BLNK: variants seen among roughly 807,000 people sequenced by gnomAD.
BLNK encodes the protein B-cell linker protein.
BLNK carries 29 observed loss-of-function variants against 73.5 expected under a neutral mutation model. The ratio of observed to expected loss-of-function variants is 0.39; its 90% CI spans 0.29 to 0.54. The LOEUF (loss-of-function observed/expected upper bound fraction) is 0.54. BLNK is among the 20% of genes least tolerant of loss of function. The pLI is 0.61. For synonymous variants in BLNK, 176 were observed against 200.8 expected, an observed-to-expected ratio of 0.88 and a Z score of 1.04; for missense variants, 460 against 562.8, an observed-to-expected ratio of 0.82 and a Z score of 1.85.
In BLNK at chr10:96,254,356, A is replaced by G. The variant is rs557293538; in HGVS notation, c.48-7307T>C. ...TGTGGTTGCCAATGGCCAGGCATTC[A>G]CCTTTACCTGGACTCAGATTAATAC... On this transcript the variant is annotated intron_variant, in intron 1 of 16. Transcript: ENST00000224337. Among the ~76,000 whole-genome samples the G allele has an allele frequency of 5.3e-5, 8 of 152,246 alleles. 1 individual carries two copies. In the South Asian group the frequency reaches 1.7e-3, roughly 32 times the overall value.
At chr10:96,204,766 T>G in intron 11 of BLNK, 150 bp from the exon 12 acceptor site, 88 of 650,530 alleles carry the variant, frequency 1.4e-4, no homozygotes, top group East Asian at 2.3e-4. Flanking sequence ...ATCTGTGCAC[T>G]TGCCAGTCTG....
At chr10:96,244,183 A>G (rs1018322849) in intron 2 of BLNK, among the ~76,000 whole-genome samples, 2 of 152,178 alleles carry the variant, frequency 1.3e-5, no homozygotes, top group Admixed American at 1.3e-4. Context: ...TGGGCTGGGA[A>G]GATACTATCA....
chr10:96,269,898 A>T (rs959990598), intron 1 of BLNK, among the ~76,000 whole-genome samples: 2 of 152,142 alleles, frequency 1.3e-5, no homozygotes, highest in Non-Finnish European at 2.9e-5. Context: ...CTCCCAGCAC[A>T]TAACATGTTT....
At chr10:96,232,464 T>C (rs1224806905) in intron 3 of BLNK, among the ~76,000 whole-genome samples, 2 of 152,008 alleles carry the variant, frequency 1.3e-5, no homozygotes, top group East Asian at 1.9e-4. Context: ...AGTCAAACAT[T>C]TGGGGTCTCC....
intron 3 of BLNK, among the ~76,000 whole-genome samples, chr10:96,235,550 T>C (rs1343393102): frequency 9.1e-6 from 1 of 110,364 alleles, no homozygotes; most frequent in Non-Finnish European, 2.2e-5. Flanking sequence ...GCCAGAAGAA[T>C]GACCACATGA....
At chr10:96,260,523 C>A (rs149691667) in intron 1 of BLNK, among the ~76,000 whole-genome samples, 4 of 152,224 alleles carry the variant, frequency 2.6e-5, no homozygotes, top group African/African-American at 9.6e-5. Flanking sequence ...TAAAAATTAA[C>A]TTAATGGGGG....
Position 96,207,016 on chromosome 10 carries a change from C to G in BLNK, c.812G>C (p.Cys271Ser), listed in dbSNP as rs782250398. 1 of 1,613,924 alleles carries G rather than the reference C, an allele frequency of 6.2e-7. No individual in the cohort carries two copies. The highest frequency in any genetic ancestry group is 2.2e-5 in the East Asian group (1 of 44,856). ...VASQQNASSV[C>S]EEKPIPAERH... ...TTCAAAATAATAGATTTTACCTTCACAAACACTTGAAGCATTCTGTTGAGA... is the reference window on the plus strand; with the variant it reads ...TTCAAAATAATAGATTTTACCTTCAGAAACACTTGAAGCATTCTGTTGAGA... Residue 271 changes from cysteine (C) to serine (S), a missense_variant, in exon 11 of 17, where the codon TGT becomes TCT. Physicochemically the swap from Cys to Ser is moderately radical, Grantham distance 112. This residue lies in a region of BLNK where 233 missense variants were observed against 232.1 expected (regional missense o/e 1.00). Coordinates refer to ENST00000224337, the MANE Select transcript of BLNK (RefSeq NM_013314.4).
chr10:96,208,269 C>T (rs1554897910), intron 9 of BLNK, among the ~76,000 whole-genome samples: 1 of 152,120 alleles, frequency 6.6e-6, no homozygotes, highest in African/African-American at 2.4e-5. Context: ...TTCAGTGTTT[C>T]TGTGGAGCCC....
intron 1 of BLNK, among the ~76,000 whole-genome samples, chr10:96,258,751 C>T (rs1413468036): frequency 6.6e-6 from 1 of 152,230 alleles, no homozygotes; most frequent in East Asian, 1.9e-4. Context: ...ACGGTAAAAG[C>T]CAGCATTTAT....
In BLNK at chr10:96,201,015, G is replaced by C. The variant is rs782086992; in HGVS notation, c.978C>G (p.Pro326=). Residue 326 remains proline (P), a synonymous_variant, in exon 14 of 17, where the codon CCC becomes CCG. Coordinates refer to ENST00000224337, the MANE Select transcript of BLNK (RefSeq NM_013314.4). The part of the protein sequence containing the change: ...GGNPTVDGPL[P]SFSSNSTISE... ...AAATAGTGGAATTAGATGAAAAGCT[G>C]GGTAGGGGCCCATCCACAGTTGGGT... 1 of 1,614,102 alleles carries C rather than the reference G, an allele frequency of 6.2e-7. No homozygotes were observed. Among genetic ancestry groups the C allele is most frequent in the Non-Finnish European group, 8.5e-7 (1 of 1,179,978 alleles).
rs543725324 is a variant in BLNK, at chr10:96,267,467, A to G, written c.47+3885T>C. The stretch of plus-strand genomic sequence containing the variant: ...AGACAGCTAGTTGTGGAAAGGTGAA[A>G]AGAAGGTGAATTTGTTTCTGAAGAA... On this transcript the variant is annotated intron_variant, in intron 1 of 16. Coordinates refer to ENST00000224337, the MANE Select transcript of BLNK (RefSeq NM_013314.4). 5.9e-5 allele frequency among the ~76,000 whole-genome samples: 9 copies of G among 152,264 alleles called. No individual in the cohort carries two copies. In the East Asian group the frequency reaches 1.7e-3, roughly 29 times the overall value.
chr10:96,262,962 C>T (rs928211544), intron 1 of BLNK, among the ~76,000 whole-genome samples: 1 of 152,232 alleles, frequency 6.6e-6, no homozygotes, highest in African/African-American at 2.4e-5. Flanking sequence ...CCTGGCCTCT[C>T]TGGGCCTCAC....
intron 1 of BLNK, among the ~76,000 whole-genome samples, chr10:96,263,994 G>C (rs905085500): frequency 6.6e-6 from 1 of 152,288 alleles, no homozygotes; most frequent in South Asian, 2.1e-4. Context: ...ACTTGGGTAG[G>C]GGCTGGAATT....
At chr10:96,203,319 T>C (rs932297034) in intron 13 of BLNK, among the ~76,000 whole-genome samples, 5 of 152,224 alleles carry the variant, frequency 3.3e-5, no homozygotes, top group Admixed American at 2.6e-4. Flanking sequence ...AAGTTTCATT[T>C]ATTTAAGATG....
chr10:96,196,783 T>G, intron 16 of BLNK, 125 bp downstream of exon 16: 1 of 934,454 alleles, frequency 1.1e-6, no homozygotes. Flanking sequence ...TCTATGACAT[T>G]TATGCAAGCA....
At chr10:96,215,470 C>A in intron 7 of BLNK, 81 bp from the exon 8 acceptor site, 1 of 1,337,428 alleles carries the variant, frequency 7.5e-7, no homozygotes, top group South Asian at 1.4e-5. Flanking sequence ...GAGGAAAATT[C>A]ACACTCAGGG....
intron 3 of BLNK, among the ~76,000 whole-genome samples, chr10:96,235,197 G>A (rs1842651756): frequency 6.6e-6 from 1 of 152,214 alleles, no homozygotes; most frequent in Non-Finnish European, 1.5e-5. Flanking sequence ...TTTTCTAGGA[G>A]TGAGATCTTA....
chr10:96,258,316 C>A (rs1364148322), intron 1 of BLNK, among the ~76,000 whole-genome samples: 2 of 152,158 alleles, frequency 1.3e-5, no homozygotes, highest in Non-Finnish European at 2.9e-5. Flanking sequence ...CTCCATTTCA[C>A]AGATGCAGAT....
chr10:96,204,412 A>C, intron 12 of BLNK, 120 bp downstream of exon 12: 1 of 1,177,356 alleles, frequency 8.5e-7, no homozygotes, highest in Non-Finnish European at 1.3e-6. Flanking sequence ...ACTGCAAAAC[A>C]ATGAAATGTT....
Sources: gnomAD v4.1 joint callset for allele counts (sites outside exome capture counted in the v4.1 genomes callset) on GRCh38, gnomAD v4.1.1 for gene constraint, gnomAD v4.1.1 regional missense constraint, MANE v1.5 for transcripts, NCBI Gene and HGNC (gene_info 2026-07-23, HGNC 2026-07-21) for gene names.